The following TTLL11 variants were observed in gnomAD, a reference collection of about 807,000 sequenced individuals.
TTLL11 encodes the protein tubulin tyrosine ligase like 11.
TTLL11 carries 42 observed loss-of-function variants against 51.7 expected under a neutral mutation model. The observed-to-expected ratio is 0.81, with a 90% CI of 0.64 to 1.05. The LOEUF is 1.05. Among genes scored for constraint, TTLL11 ranks in the 50% least tolerant of loss-of-function variants. The probability of loss-of-function intolerance (pLI) is 0.00; values close to 1 mark genes in which losing one functional copy is unlikely to be tolerated. For missense variants in TTLL11, 799 were observed against 940.4 expected (o/e 0.85, Z 1.97); for synonymous variants, 381 against 383.5 (o/e 0.99, Z 0.08).
chr9:122,089,104 C>G (rs7045950), intron 1 of TTLL11, among the ~76,000 whole-genome samples: 41,374 of 151,532 alleles, frequency 0.27, 5,923 homozygotes, highest in African/African-American at 0.32. Flanking sequence ...CTGGCTCAGT[C>G]CTACCCTGTT....
intron 7 of TTLL11, among the ~76,000 whole-genome samples, chr9:121,868,102 G>A (rs952521182): frequency 6.6e-6 from 1 of 151,976 alleles, no homozygotes; most frequent in Non-Finnish European, 1.5e-5. Context: ...GGCTGGGGAG[G>A]GCCAAGGAAG....
At position 121,819,909 on chromosome 9, in the gene TTLL11, T is replaced by C. The variant is rs1836526354; in HGVS notation, c.*2678A>G. On this transcript the variant is annotated 3_prime_UTR_variant, in exon 9 of 9. Coordinates refer to ENST00000321582, the MANE Select transcript of TTLL11 (RefSeq NM_001139442.2). ...ATTCAGTTATCACTCATTCTGACAA[T>C]GGAGCAGCCTCGAAATGCTTTCAGT... Among the ~76,000 whole-genome samples, 1 of 152,204 alleles carries C rather than the reference T, an allele frequency of 6.6e-6. No homozygotes were observed. Among genetic ancestry groups the C allele is most frequent in the African/African-American group, 2.4e-5 (1 of 41,456 alleles).
At chr9:121,907,836 A>AT (rs1839995502) in intron 6 of TTLL11, among the ~76,000 whole-genome samples, 1 of 152,236 alleles carries the variant, frequency 6.6e-6, no homozygotes, top group Non-Finnish European at 1.5e-5. Flanking sequence ...GTTATACATA[A>AT]TTGGGAAAGA....
chr9:121,987,419 T>A (rs551067887), intron 4 of TTLL11, among the ~76,000 whole-genome samples: 1 of 152,134 alleles, frequency 6.6e-6, no homozygotes, highest in African/African-American at 2.4e-5. Context: ...GGAAAGTGTG[T>A]ACCTATGGAG....
rs1471608262 is a variant in TTLL11, at chr9:121,821,028, G to T, written c.*1559C>A. Reference sequence around the variant, plus strand: ...AACTCCTGGCAGGAAGGAGCTCCAGGCAAGGATGAACAGAGCAGCCCCTGC... The same window carrying T: ...AACTCCTGGCAGGAAGGAGCTCCAGTCAAGGATGAACAGAGCAGCCCCTGC... On this transcript the variant is annotated 3_prime_UTR_variant, in exon 9 of 9. Transcript: ENST00000321582. This position sits in a 1 kb window ranked among gnomAD's most constrained non-coding sequence, Gnocchi z 5.0. Among the ~76,000 whole-genome samples the T allele has an allele frequency of 6.6e-6, 1 of 151,910 alleles. No individual in the cohort carries two copies. The highest frequency in any genetic ancestry group is 2.1e-4 in the South Asian group (1 of 4,820).
intron 6 of TTLL11, 124 bp downstream of exon 6, chr9:121,973,885 G>C (rs1369503620): frequency 8.9e-6 from 5 of 560,956 alleles, no homozygotes; most frequent in Non-Finnish European, 1.5e-5. Context: ...TATTTTATTA[G>C]AATTGTTTAA....
intron 6 of TTLL11, among the ~76,000 whole-genome samples, chr9:121,903,678 T>C (rs1357528936): frequency 6.6e-6 from 1 of 152,196 alleles, no homozygotes; most frequent in Non-Finnish European, 1.5e-5. Context: ...ATGCACATTA[T>C]TTTTTATAAA....
rs1297479244 is a variant in TTLL11 at position 121,989,002 on chromosome 9, G to A, written c.1269+193C>T. The A allele has an allele frequency of 8.0e-6, 11 of 1,374,152 alleles. No individual in the cohort carries two copies. Among genetic ancestry groups the A allele is most frequent in the Non-Finnish European group, 1.1e-5 (11 of 1,025,104 alleles). The allele number at this position is 1,374,152 out of a possible 1,614,324, so 85.1% of individuals were successfully genotyped here. A position where few individuals can be genotyped will look rare whatever the true frequency, so the allele number is the denominator to read the frequency against. On this transcript the variant is annotated intron_variant, in intron 4 of 8. Coordinates refer to ENST00000321582, the MANE Select transcript of TTLL11 (RefSeq NM_001139442.2). This position sits in a 1 kb window ranked among gnomAD's most constrained non-coding sequence, Gnocchi z 4.2. ...ACAGGTAACAGAGGGGAAGTAGCTTGCCCCAAATCACACAGGGAGCAAACA... is the reference window on the plus strand; with the variant it reads ...ACAGGTAACAGAGGGGAAGTAGCTTACCCCAAATCACACAGGGAGCAAACA...
intron 3 of TTLL11, among the ~76,000 whole-genome samples, chr9:122,016,843 T>C (rs1175422378): frequency 6.6e-6 from 1 of 152,224 alleles, no homozygotes; most frequent in Non-Finnish European, 1.5e-5. Flanking sequence ...AAACTGTACT[T>C]TTCTCAAATA....
At chr9:122,042,280 C>T (rs1468781896) in intron 1 of TTLL11, among the ~76,000 whole-genome samples, 3 of 151,916 alleles carry the variant, frequency 2.0e-5, no homozygotes, top group South Asian at 2.1e-4. Flanking sequence ...GGATTAAAGG[C>T]GTGAGTCACT....
chr9:121,836,433 G>T (rs1220889726), intron 8 of TTLL11, among the ~76,000 whole-genome samples: 1 of 152,128 alleles, frequency 6.6e-6, no homozygotes, highest in African/African-American at 2.4e-5. Context: ...TTCCAGTGAT[G>T]GGGAGCTCAC....
intron 8 of TTLL11, among the ~76,000 whole-genome samples, chr9:121,855,823 C>T (rs1241855866): frequency 6.6e-6 from 1 of 152,182 alleles, no homozygotes; most frequent in Non-Finnish European, 1.5e-5. Context: ...TGTGCTAGGC[C>T]CTCAAGGATA....
At chr9:121,840,323 C>T (rs532948954) in intron 8 of TTLL11, among the ~76,000 whole-genome samples, 26 of 152,252 alleles carry the variant, frequency 1.7e-4, no homozygotes, top group Non-Finnish European at 2.6e-4. Context: ...CAGTGCGCTG[C>T]GATGTGACAG....
At chr9:121,983,264 A>G (rs1012610193) in intron 4 of TTLL11, among the ~76,000 whole-genome samples, 2 of 152,172 alleles carry the variant, frequency 1.3e-5, no homozygotes, top group East Asian at 3.9e-4. Flanking sequence ...AAGACGATAG[A>G]GAGTAGGTTT....
intron 1 of TTLL11, among the ~76,000 whole-genome samples, chr9:122,088,262 T>C (rs959951133): frequency 6.6e-6 from 1 of 152,252 alleles, no homozygotes; most frequent in Non-Finnish European, 1.5e-5. Context: ...CTGCCTGCCT[T>C]GTTGTTCCTA....
intron 6 of TTLL11, among the ~76,000 whole-genome samples, chr9:121,894,603 A>G (rs1839384045): frequency 6.6e-6 from 1 of 152,226 alleles, no homozygotes; most frequent in Non-Finnish European, 1.5e-5. Flanking sequence ...TTGCAGAGAC[A>G]TGGATGAAGC....
intron 1 of TTLL11, among the ~76,000 whole-genome samples, chr9:122,047,764 C>T (rs1741549217): frequency 6.6e-6 from 1 of 152,092 alleles, no homozygotes; most frequent in Admixed American, 6.5e-5. Flanking sequence ...TTAGGATGTG[C>T]CTGTGCTGTT....
intron 3 of TTLL11, among the ~76,000 whole-genome samples, chr9:121,997,950 T>A (rs745854844): frequency 2.0e-5 from 3 of 152,076 alleles, no homozygotes; most frequent in African/African-American, 2.4e-5. Flanking sequence ...GCCTGCCTCG[T>A]CTCCCTGGCC....
chr9:121,966,236 A>G (rs1033940966), intron 6 of TTLL11, among the ~76,000 whole-genome samples: 4 of 152,234 alleles, frequency 2.6e-5, no homozygotes, highest in African/African-American at 9.6e-5. Context: ...TCTGGGCCAT[A>G]TATAAGTCAT....
Sources: allele counts gnomAD v4.1 joint callset (sites outside exome capture counted in the v4.1 genomes callset), GRCh38; gene constraint gnomAD v4.1.1; non-coding constraint Gnocchi (gnomAD v3.1); transcripts MANE v1.5; gene names NCBI Gene and HGNC (gene_info 2026-07-23, HGNC 2026-07-21).